FAR2: variants seen among roughly 807,000 people sequenced by gnomAD.
FAR2 encodes epididymis secretory protein Li 81.
In FAR2, 19 loss-of-function variants were observed where a neutral mutation model predicts 56.0. The observed-to-expected ratio is 0.34, with a 90% confidence interval of 0.24 to 0.50. The LOEUF (loss-of-function observed/expected upper bound fraction) is 0.50. Among genes scored for constraint, FAR2 ranks in the 20% least tolerant of loss-of-function variants. FAR2 has a pLI of 0.98. For synonymous variants in FAR2, 219 were observed against 218.8 expected, an observed-to-expected ratio of 1.00 and a Z score of -0.01; for missense variants, 508 against 642.2, an observed-to-expected ratio of 0.79 and a Z score of 2.26.
chr12:29,249,381 T>C (rs1024093847), intron 1 of FAR2, among the ~76,000 whole-genome samples: 2 of 152,246 alleles, frequency 1.3e-5, no homozygotes, highest in African/African-American at 4.8e-5. Flanking sequence ...TGCTATTCTA[T>C]TATCTGTGCA....
chr12:29,199,612 AAAAG>A (rs1380428884), intron 1 of FAR2, among the ~76,000 whole-genome samples: 7 of 87,752 alleles, frequency 8.0e-5, no homozygotes, highest in South Asian at 7.0e-4. Context: ...AAAAAAAAAA[AAAAG>A]AAAGAAAAGA....
chr12:29,179,958 C>T (rs1371216234), intron 1 of FAR2, among the ~76,000 whole-genome samples: 12 of 152,308 alleles, frequency 7.9e-5, no homozygotes, highest in Non-Finnish European at 1.5e-4. Context: ...TTCAAAGTAG[C>T]TGGGCTGAGG....
At position 29,163,519 on chromosome 12, in the gene FAR2, C is replaced by T. The variant is rs572551507; in HGVS notation, c.-39+14112C>T. Among the ~76,000 whole-genome samples the T allele has an allele frequency of 5.9e-5, 9 of 152,334 alleles. No homozygotes were observed. In the South Asian group the frequency reaches 1.9e-3, roughly 32 times the overall value. On this transcript the variant is annotated intron_variant, in intron 1 of 11. Coordinates refer to ENST00000536681, the MANE Select transcript of FAR2 (RefSeq NM_001271783.2). ...TTGTCCTGATTGTGCTCTATGTCTA[C>T]ATCAGATAAACGACTAGATTATCTT...
At chr12:29,330,143 G>A (rs549838163) in intron 10 of FAR2, among the ~76,000 whole-genome samples, 2 of 142,206 alleles carry the variant, frequency 1.4e-5, no homozygotes, top group African/African-American at 2.7e-5. Flanking sequence ...TGCAACCTCC[G>A]CCTCCCGGGT....
chr12:29,232,729 C>A (rs1230722237), intron 1 of FAR2, among the ~76,000 whole-genome samples: 1 of 151,886 alleles, frequency 6.6e-6, no homozygotes, highest in Non-Finnish European at 1.5e-5. Flanking sequence ...ATAGTTTTGG[C>A]ACCTGAGTCC....
intron 1 of FAR2, among the ~76,000 whole-genome samples, chr12:29,153,667 A>G (rs1042543786): frequency 5.3e-5 from 8 of 152,190 alleles, no homozygotes; most frequent in Admixed American, 5.2e-4. Context: ...GGAGGGATAA[A>G]GGATTGGAGG....
intron 1 of FAR2, among the ~76,000 whole-genome samples, chr12:29,196,085 A>G (rs772858112): frequency 1.2e-4 from 19 of 152,126 alleles, no homozygotes; most frequent in Non-Finnish European, 2.8e-4. Flanking sequence ...TATTTTCTTT[A>G]TCTAATTATC....
chr12:29,277,598 C>T (rs1176297307), intron 2 of FAR2: 1 of 152,112 alleles, frequency 6.6e-6, no homozygotes, highest in Non-Finnish European at 1.5e-5. Flanking sequence ...AGACAAAGAA[C>T]ACGGCAATTT....
intron 10 of FAR2, among the ~76,000 whole-genome samples, chr12:29,324,128 A>G (rs1159245658): frequency 6.6e-6 from 1 of 152,236 alleles, no homozygotes; most frequent in African/African-American, 2.4e-5. Flanking sequence ...CGATGCGATC[A>G]ACTGGAAGAA....
Position 29,269,608 on chromosome 12 carries a change from A to G in FAR2, c.-38-804A>G, listed in dbSNP as rs563281698. ...GATAAGTGTCCATGAAATCTTTACA[A>G]TTTATGTTTAGAGATTGCAGTAAAG... is the stretch of plus-strand genomic sequence containing the variant. On this transcript the variant is annotated intron_variant, in intron 1 of 11. Transcript: ENST00000536681. 8.0e-4 allele frequency among the ~76,000 whole-genome samples: 122 copies of G among 152,340 alleles called. 1 individual carries two copies. The highest frequency in any genetic ancestry group is 6.0e-3 in the Admixed American group (92 of 15,308).
intron 10 of FAR2, among the ~76,000 whole-genome samples, chr12:29,329,227 T>G (rs1362076567): frequency 1.3e-5 from 2 of 152,132 alleles, no homozygotes; most frequent in East Asian, 3.9e-4. Context: ...CAAAAACAAA[T>G]CAACAAATTC....
chr12:29,282,566 T>C (rs1450751264), intron 2 of FAR2, among the ~76,000 whole-genome samples: 1 of 110,616 alleles, frequency 9.0e-6, no homozygotes, highest in African/African-American at 4.4e-5. Context: ...ACAGTGTTCC[T>C]GAAGGTAATA....
chr12:29,178,671 T>C lies in FAR2; in HGVS notation c.-39+29264T>C, dbSNP rs531527116. Among the ~76,000 whole-genome samples the C allele has an allele frequency of 8.3e-4, 126 of 152,326 alleles. 1 individual carries two copies. The highest frequency in any genetic ancestry group is 2.9e-3 in the African/African-American group (119 of 41,582). ...GGACAGCCTTGTTTTTCTAATATGG[T>C]AAGGCCCATGTTCTTTGATATTGCT... On this transcript the variant is annotated intron_variant, in intron 1 of 11. Coordinates refer to ENST00000536681, the MANE Select transcript of FAR2 (RefSeq NM_001271783.2).
chr12:29,161,936 TC>T (rs56291544), intron 1 of FAR2, among the ~76,000 whole-genome samples: 148,855 of 152,224 alleles, frequency 0.98, 72,876 homozygotes, highest in Middle Eastern at 1. Context: ...TCTTGTGATG[TC>T]CCCCAAGTCT....
intron 1 of FAR2, among the ~76,000 whole-genome samples, chr12:29,213,689 CAA>C (rs34410137): frequency 5.4e-5 from 7 of 130,710 alleles, no homozygotes; most frequent in Admixed American, 7.7e-5. Context: ...GACTCTGTCT[CAA>C]AAAAAAAAAA....
At chr12:29,277,923 A>G (rs1175115633) in intron 2 of FAR2, 1 of 119,282 alleles carries the variant, frequency 8.4e-6, no homozygotes, top group Non-Finnish European at 1.8e-5. Flanking sequence ...ATTTGTACAT[A>G]TTTTCTTTCT....
chr12:29,226,090 G>A (rs1947764721), intron 1 of FAR2, among the ~76,000 whole-genome samples: 1 of 152,186 alleles, frequency 6.6e-6, no homozygotes, highest in Non-Finnish European at 1.5e-5. Flanking sequence ...TGGAGTTATT[G>A]TAAAGATTAT....
intron 1 of FAR2, among the ~76,000 whole-genome samples, chr12:29,233,309 C>G (rs1744684843): frequency 6.6e-6 from 1 of 152,146 alleles, no homozygotes; most frequent in Non-Finnish European, 1.5e-5. Flanking sequence ...ATAATGATCT[C>G]CAATTTTTGG....
In FAR2 at chr12:29,243,607, T is replaced by TTTCTA. The variant is rs1948073401; in HGVS notation, c.-38-26805_-38-26804insTTCTA. Among the ~76,000 whole-genome samples, 9 of 152,236 alleles carry TTTCTA rather than the reference T, an allele frequency of 5.9e-5. No individual in the cohort carries two copies. The South Asian group carries it at 1.9e-3, about 32-fold the overall frequency. On this transcript the variant is annotated intron_variant, in intron 1 of 11. Transcript: ENST00000536681. ...GAGTCTTGGATTAGAAATGGGCAGA[T>TTTCTA]GTGGAGAAGCTCAGGTTATGTTGAT...
Sources: gnomAD v4.1 joint callset for allele counts (sites outside exome capture counted in the v4.1 genomes callset) on GRCh38, gnomAD v4.1.1 for gene constraint, MANE v1.5 for transcripts, NCBI Gene and HGNC (gene_info 2026-07-23, HGNC 2026-07-21) for gene names.